Variants in SCML4 observed in about 807,000 individuals in gnomAD.
SCML4 encodes Scm polycomb group protein like 4, also known as sex comb on midleg-like protein 4.
SCML4 carries 34 observed loss-of-function variants against 41.1 expected under a neutral mutation model. The observed-to-expected ratio is 0.83, with a 90% CI of 0.63 to 1.10. The LOEUF (loss-of-function observed/expected upper bound fraction) is 1.10, where lower values mean the gene tolerates loss of function less well. Among genes scored for constraint, SCML4 ranks in the 50% least tolerant of loss-of-function variants. SCML4 has a pLI of 0.00. For synonymous variants in SCML4, 214 were observed against 220.9 expected (o/e 0.97, Z 0.28); for missense variants, 522 against 534.1 (o/e 0.98, Z 0.22).
chr6:107,809,619 T>C (rs1272084471), intron 1 of SCML4, among the ~76,000 whole-genome samples: 1 of 152,140 alleles, frequency 6.6e-6, no homozygotes, highest in Non-Finnish European at 1.5e-5. Context: ...ACTGTTATCT[T>C]GGATAGCTGG....
intron 1 of SCML4, among the ~76,000 whole-genome samples, chr6:107,790,517 C>T (rs1003017016): frequency 1.3e-5 from 2 of 152,142 alleles, no homozygotes; most frequent in African/African-American, 4.8e-5. Context: ...TTCTCCCCTT[C>T]GCAAAGGTCT....
rs147556809 is a variant in SCML4, at chr6:107,716,240, G to C, written c.973+4463C>G. ...AGAGAGGGAGGGCACCTGGAGTCCT[G>C]TCTGCTCTTGTTCCATCTTCTCCAT... On this transcript the variant is annotated intron_variant, in intron 6 of 7. Transcript: ENST00000369020. 2.8e-3 allele frequency among the ~76,000 whole-genome samples: 433 copies of C among 152,268 alleles called. 12 individuals carry two copies. In the East Asian group the frequency reaches 0.077, roughly 27 times the overall value.
At chr6:107,838,165 C>T in the SCML4 span, among the ~76,000 whole-genome samples, 118 of 152,266 alleles carry the variant, frequency 7.7e-4, no homozygotes, top group African/African-American at 2.7e-3. Flanking sequence ...ACCTTGGCCT[C>T]CCAAAGTTCT....
At chr6:107,753,813 T>C (rs1778887948) in intron 2 of SCML4, among the ~76,000 whole-genome samples, 1 of 151,930 alleles carries the variant, frequency 6.6e-6, no homozygotes, top group South Asian at 2.1e-4. Flanking sequence ...GGTGAGAGGG[T>C]AGGAGATTTA....
intron 2 of SCML4, 105 bp from the exon 3 acceptor site, chr6:107,749,918 T>G (rs1481943458): frequency 3.6e-6 from 4 of 1,124,574 alleles, no homozygotes; most frequent in Non-Finnish European, 5.2e-6. Flanking sequence ...CTATCATGCT[T>G]CCACACCTTT....
At chr6:107,721,071 C>A (rs564257255) in intron 5 of SCML4, 78 bp from the exon 6 acceptor site, 1 of 1,492,454 alleles carries the variant, frequency 6.7e-7, no homozygotes, top group East Asian at 2.3e-5. Context: ...TCTTGGCAAA[C>A]CCTGCCCTGC....
Position 107,815,326 on chromosome 6 carries a change from C to A in SCML4, c.-60+8800G>T, listed in dbSNP as rs116825862. On this transcript the variant is annotated intron_variant, in intron 1 of 7. Transcript: ENST00000369020. ...TCCCTCAGTGGATGGAGCAGTCCCA[C>A]ACAATGAAAGCATTGTCTTGCCATA... 8.4e-3 allele frequency among the ~76,000 whole-genome samples: 1,282 copies of A among 152,344 alleles called. 15 individuals carry two copies. The highest frequency in any genetic ancestry group is 0.029 in the African/African-American group (1,207 of 41,576).
chr6:107,757,152 C>G (rs1779182318), intron 2 of SCML4, among the ~76,000 whole-genome samples: 1 of 152,152 alleles, frequency 6.6e-6, no homozygotes, highest in African/African-American at 2.4e-5. Context: ...CTTTCTTTTC[C>G]ATTTATAGAA....
At chr6:107,714,218 C>T (rs1774522688) in intron 6 of SCML4, among the ~76,000 whole-genome samples, 1 of 152,188 alleles carries the variant, frequency 6.6e-6, no homozygotes, top group Non-Finnish European at 1.5e-5. Context: ...TCTCTAGAAA[C>T]AAGGAGAGAC....
the SCML4 span, among the ~76,000 whole-genome samples, chr6:107,840,057 T>C: frequency 6.6e-6 from 1 of 152,250 alleles, no homozygotes; most frequent in Non-Finnish European, 1.5e-5. Context: ...ATGAAAATCC[T>C]TAATCATGGC....
chr6:107,845,783 T>C, the SCML4 span, among the ~76,000 whole-genome samples: 1 of 152,232 alleles, frequency 6.6e-6, no homozygotes, highest in Non-Finnish European at 1.5e-5. Flanking sequence ...AGACCCAAAT[T>C]ACTATGAACA....
chr6:107,707,082 T>C (rs12200505), intron 7 of SCML4, among the ~76,000 whole-genome samples: 78,314 of 151,986 alleles, frequency 0.52, 21,694 homozygotes, highest in Middle Eastern at 0.66. Context: ...ACACCTGTCA[T>C]CCCAGCACTT....
chr6:107,723,812 C>T (rs1029153008), intron 5 of SCML4, among the ~76,000 whole-genome samples: 9 of 152,088 alleles, frequency 5.9e-5, no homozygotes, highest in Admixed American at 2.6e-4. Context: ...AATACTTCTA[C>T]GAAGCCAGGA....
chr6:107,720,751 C>T lies in SCML4; in HGVS notation c.925G>A (p.Ala309Thr), dbSNP rs752975010. Reference protein sequence around the residue: ...GPSAPGLRPPASSPKRNTTSL... With the variant: ...GPSAPGLRPPTSSPKRNTTSL... ...GTCGTGTTTCTCTTGGGGCTGGAGG[C>T]TGGAGGCCTCAGCCCAGGTGCCGAG... The change falls in exon 6 of 8, where the codon GCC becomes ACC. Residue 309 changes from alanine to threonine, a missense_variant. Ala to Thr is a moderately conservative substitution (Grantham distance 58). Transcript: ENST00000369020. 5 of 1,603,618 alleles carry T rather than the reference C, an allele frequency of 3.1e-6. No homozygotes were observed. The Admixed American group carries it at 8.6e-5, about 28-fold the overall frequency.
intron 5 of SCML4, among the ~76,000 whole-genome samples, chr6:107,727,804 G>T (rs780484862): frequency 3.9e-5 from 6 of 152,184 alleles, no homozygotes; most frequent in African/African-American, 1.4e-4. Context: ...TACTATCTAC[G>T]ATCTAAAGCC....
chr6:107,747,733 AAGAAATATAAATCCTTTTTT>A (rs1778270599), intron 3 of SCML4, among the ~76,000 whole-genome samples: 1 of 152,148 alleles, frequency 6.6e-6, no homozygotes, highest in Non-Finnish European at 1.5e-5. Flanking sequence ...TAAAGAGAAA[AAGAAATATAAATCCTTTTTT>A]AGCAGGAAGA....
chr6:107,792,525 T>C (rs1365428077), intron 1 of SCML4, among the ~76,000 whole-genome samples: 3 of 151,972 alleles, frequency 2.0e-5, no homozygotes, highest in Non-Finnish European at 4.4e-5. Flanking sequence ...AGGTCAGCAG[T>C]TTGAGACCAG....
intron 2 of SCML4, 39 bp downstream of exon 2, chr6:107,772,133 C>A: frequency 6.6e-7 from 1 of 1,523,270 alleles, no homozygotes; most frequent in South Asian, 1.3e-5. Context: ...CGTGCCCCAG[C>A]CCAATACCAC....
rs80134379 is a variant in SCML4 at position 107,752,342 on chromosome 6, G to A, written c.157-2529C>T. Among the ~76,000 whole-genome samples, 792 of 152,200 alleles carry A rather than the reference G, an allele frequency of 5.2e-3. 1 individual carries two copies. Among genetic ancestry groups the A allele is most frequent in the Middle Eastern group, 0.014 (4 of 294 alleles). On this transcript the variant is annotated intron_variant, in intron 2 of 7. Transcript: ENST00000369020. ...AGATATTACTAGGCAGTTGCATCTA[G>A]TAGAGTATATGGTTCTGGGGGAGAG...
Sources: allele counts gnomAD v4.1 joint callset (sites outside exome capture counted in the v4.1 genomes callset), GRCh38; gene constraint gnomAD v4.1.1; transcripts MANE v1.5; gene names NCBI Gene and HGNC (gene_info 2026-07-23, HGNC 2026-07-21).